The following PCDH9 variants were observed in gnomAD, a reference collection of about 807,000 sequenced individuals.
PCDH9 encodes the protein protocadherin 9, also known as protocadherin-9.
PCDH9 carries 24 observed loss-of-function variants against 70.6 expected under a neutral mutation model. The observed-to-expected ratio is 0.34, with a 90% CI of 0.25 to 0.48. The LOEUF (loss-of-function observed/expected upper bound fraction) is 0.48, where lower values mean the gene tolerates loss of function less well. Among genes scored for constraint, PCDH9 ranks in the 20% least tolerant of loss-of-function variants. The probability of loss-of-function intolerance (pLI) is 0.99; values close to 1 mark genes in which losing one functional copy is unlikely to be tolerated. For synonymous variants in PCDH9, 562 were observed against 558.5 expected, an observed-to-expected ratio of 1.01 and a Z score of -0.09; for missense variants, 1,281 against 1,503.6, an observed-to-expected ratio of 0.85 and a Z score of 2.45.
intron 4 of PCDH9, among the ~76,000 whole-genome samples, chr13:66,305,762 T>C (rs1955454305): frequency 6.6e-6 from 1 of 152,080 alleles, no homozygotes; most frequent in African/African-American, 2.4e-5. Context: ...TCTAAATTTC[T>C]AAGGTATAAA....
intron 4 of PCDH9, among the ~76,000 whole-genome samples, chr13:66,559,817 A>ATATATAT (rs1555306268): frequency 8.6e-5 from 8 of 93,108 alleles, no homozygotes; most frequent in African/African-American, 2.6e-4. Context: ...AAAAAAAAAA[A>ATATATAT]ATATATATAT....
chr13:66,653,120 A>G (rs180763305), intron 3 of PCDH9, among the ~76,000 whole-genome samples: 41 of 152,306 alleles, frequency 2.7e-4, no homozygotes, highest in African/African-American at 9.6e-4. Flanking sequence ...AAGCACAGAC[A>G]AACAAAGCAA....
intron 2 of PCDH9, among the ~76,000 whole-genome samples, chr13:67,155,700 A>G (rs1412955169): frequency 6.6e-6 from 1 of 152,142 alleles, no homozygotes; most frequent in African/African-American, 2.4e-5. Context: ...GAGAACACTA[A>G]GAATTGTACA....
intron 2 of PCDH9, among the ~76,000 whole-genome samples, chr13:67,139,478 A>C (rs970005814): frequency 6.6e-6 from 1 of 152,134 alleles, no homozygotes; most frequent in African/African-American, 2.4e-5. Flanking sequence ...TTTTTCTCTC[A>C]ATTCTCTGTG....
At chr13:66,419,389 A>G (rs964791891) in intron 4 of PCDH9, among the ~76,000 whole-genome samples, 1 of 152,042 alleles carries the variant, frequency 6.6e-6, no homozygotes, top group African/African-American at 2.4e-5. Context: ...GAACATCTTC[A>G]GCCTGCAGCT....
chr13:66,507,123 T>A (rs1465322207), intron 4 of PCDH9, among the ~76,000 whole-genome samples: 1 of 93,486 alleles, frequency 1.1e-5, no homozygotes, highest in Non-Finnish European at 2.7e-5. Flanking sequence ...AATCACCAAC[T>A]TTTCCCCCTG....
At chr13:67,079,927 AC>A (rs1307831403) in intron 2 of PCDH9, among the ~76,000 whole-genome samples, 2 of 152,124 alleles carry the variant, frequency 1.3e-5, no homozygotes, top group Non-Finnish European at 2.9e-5. Flanking sequence ...CCAATTCCCA[AC>A]TAAAGAATGC....
intron 4 of PCDH9, among the ~76,000 whole-genome samples, chr13:66,546,162 C>T (rs1376937250): frequency 6.9e-6 from 1 of 145,386 alleles, no homozygotes; most frequent in Non-Finnish European, 1.5e-5. Context: ...AAGTATACTT[C>T]TTCTATTTAT....
chr13:66,803,316 C>T (rs533113243), intron 3 of PCDH9, among the ~76,000 whole-genome samples: 1 of 152,248 alleles, frequency 6.6e-6, no homozygotes, highest in South Asian at 2.1e-4. Context: ...GTGTGCATTG[C>T]TACTGAGACA....
At chr13:66,858,733 T>C (rs2081435213) in intron 3 of PCDH9, among the ~76,000 whole-genome samples, 2 of 152,214 alleles carry the variant, frequency 1.3e-5, no homozygotes, top group South Asian at 4.1e-4. Flanking sequence ...ATTTTATTGA[T>C]ACGAATTTAA....
chr13:67,209,864 T>C (rs1566497449), intron 2 of PCDH9: 1 of 152,080 alleles, frequency 6.6e-6, no homozygotes, highest in African/African-American at 2.4e-5. Flanking sequence ...CTGATTTTCC[T>C]CCAGCATGAG....
At chr13:67,023,347 C>T (rs1366594980) in intron 2 of PCDH9, among the ~76,000 whole-genome samples, 1 of 152,186 alleles carries the variant, frequency 6.6e-6, no homozygotes, top group Non-Finnish European at 1.5e-5. Context: ...ATCACATTAG[C>T]ATCCTTTGTA....
intron 2 of PCDH9, among the ~76,000 whole-genome samples, chr13:67,113,682 G>A (rs2086702794): frequency 6.6e-6 from 1 of 152,018 alleles, no homozygotes; most frequent in Non-Finnish European, 1.5e-5. Flanking sequence ...CGAGTAGCTG[G>A]GACTACAGGC....
chr13:66,889,931 T>C (rs1457579243), intron 3 of PCDH9, among the ~76,000 whole-genome samples: 1 of 152,140 alleles, frequency 6.6e-6, no homozygotes, highest in Non-Finnish European at 1.5e-5. Flanking sequence ...CATTTGGATA[T>C]ATTGGTGTAT....
chr13:66,671,710 T>C (rs2139039503), intron 3 of PCDH9, among the ~76,000 whole-genome samples: 1 of 152,310 alleles, frequency 6.6e-6, no homozygotes, highest in South Asian at 2.1e-4. Flanking sequence ...TCTGGCAGAA[T>C]AAATTTCTAA....
At chr13:66,974,183 G>A (rs1447618539) in intron 2 of PCDH9, among the ~76,000 whole-genome samples, 1 of 151,876 alleles carries the variant, frequency 6.6e-6, no homozygotes, top group Admixed American at 6.6e-5. Context: ...TTATCTCCAA[G>A]AACAAAATGA....
At chr13:66,858,113 C>T (rs1234783181) in intron 3 of PCDH9, among the ~76,000 whole-genome samples, 1 of 152,078 alleles carries the variant, frequency 6.6e-6, no homozygotes, top group Non-Finnish European at 1.5e-5. Context: ...CTAAAGTCAC[C>T]TCTGCCTCTT....
chr13:66,493,866 T>C (rs769345104), intron 4 of PCDH9, among the ~76,000 whole-genome samples: 10 of 152,094 alleles, frequency 6.6e-5, no homozygotes, highest in South Asian at 4.1e-4. Context: ...TGATGCCACA[T>C]ATATATTTAA....
chr13:66,856,144 C>T (rs2081391195), intron 3 of PCDH9, among the ~76,000 whole-genome samples: 1 of 151,886 alleles, frequency 6.6e-6, no homozygotes, highest in South Asian at 2.1e-4. Flanking sequence ...TTCAATAACG[C>T]ATATAAATAG....
Sources: gnomAD v4.1 joint callset for allele counts (sites outside exome capture counted in the v4.1 genomes callset) on GRCh38, gnomAD v4.1.1 for gene constraint, MANE v1.5 for transcripts, NCBI Gene and HGNC (gene_info 2026-07-23, HGNC 2026-07-21) for gene names.